Variants in LMX1B observed in about 807,000 individuals in gnomAD.
The protein encoded by LMX1B is LIM homeobox transcription factor 1 beta, also known as LIM homeobox transcription factor 1-beta.
A neutral mutation model predicts 51.4 loss-of-function variants in LMX1B; 12 were observed. The ratio of observed to expected loss-of-function variants is 0.23; its 90% CI spans 0.15 to 0.38. The LOEUF is 0.38. Among genes scored for constraint, LMX1B ranks in the 10% least tolerant of loss-of-function variants. LMX1B has a pLI of 1.00. For missense variants in LMX1B, 445 were observed against 571.1 expected, an observed-to-expected ratio of 0.78 and a Z score of 2.25; for synonymous variants, 237 against 235.4, an observed-to-expected ratio of 1.01 and a Z score of -0.06.
rs561358906 is a variant in LMX1B at position 126,636,701 on chromosome 9, G to A, written c.326+21132G>A. 4.6e-5 allele frequency among the ~76,000 whole-genome samples: 7 copies of A among 152,314 alleles called. No individual in the cohort carries two copies. In the South Asian group the frequency reaches 1.2e-3, roughly 27 times the overall value. On this transcript the variant is annotated intron_variant, in intron 2 of 7. Coordinates refer to ENST00000373474, the MANE Select transcript of LMX1B (RefSeq NM_001174147.2). Reference sequence around the variant, plus strand: ...TGCAAGTACACGTGTGCGTAGGTGTGTGTAGGGGGTGTCAGGGACTTGAGC... The same window carrying A: ...TGCAAGTACACGTGTGCGTAGGTGTATGTAGGGGGTGTCAGGGACTTGAGC...
Position 126,693,601 on chromosome 9 carries a change from G to T in LMX1B, c.819G>T (p.Lys273Asn). The T allele has an allele frequency of 6.2e-7, 1 of 1,614,152 alleles. No homozygotes were observed. The highest frequency in any genetic ancestry group is 1.1e-5 in the South Asian group (1 of 91,084). ...VQVWFQNQRA[K>N]MKKLARRHQQ... Reference sequence around the variant, plus strand: ...TCTGGTTTCAGAACCAAAGAGCAAAGGTAAGAGGCCACCCCCCATCCCCAC... The same window carrying T: ...TCTGGTTTCAGAACCAAAGAGCAAATGTAAGAGGCCACCCCCCATCCCCAC... Residue 273 changes from lysine (K) to asparagine (N), a missense_variant and splice_region_variant, in exon 5 of 8, where the codon AAG becomes AAT. Physicochemically the swap from Lys to Asn is moderately conservative, Grantham distance 94. Coordinates refer to ENST00000373474, the MANE Select transcript of LMX1B (RefSeq NM_001174147.2).
At chr9:126,630,003 G>A (rs1358689576) in intron 2 of LMX1B, among the ~76,000 whole-genome samples, 2 of 151,964 alleles carry the variant, frequency 1.3e-5, no homozygotes, top group African/African-American at 2.4e-5. Context: ...AAAATTAGCT[G>A]GGCGTCATGG....
At chr9:126,656,304 C>T (rs1286889222) in intron 2 of LMX1B, among the ~76,000 whole-genome samples, 1 of 152,094 alleles carries the variant, frequency 6.6e-6, no homozygotes, top group African/African-American at 2.4e-5. Context: ...AATCCCAGCA[C>T]TTCGAGAGGC....
In LMX1B at chr9:126,682,324, T is replaced by G. The variant is rs113721798; in HGVS notation, c.327-8512T>G. ...CCAGGTGTCGGCTGGAATGTGTGTC[T>G]CATTCATGCCTCTGACTGTCCCTTC... On this transcript the variant is annotated intron_variant, in intron 2 of 7. Transcript: ENST00000373474. Among the ~76,000 whole-genome samples, 1,012 of 152,164 alleles carry G rather than the reference T, an allele frequency of 6.7e-3. 5 individuals are homozygous for G. The highest frequency in any genetic ancestry group is 0.048 in the Middle Eastern group (14 of 294).
intron 2 of LMX1B, among the ~76,000 whole-genome samples, chr9:126,639,426 T>C (rs1157045263): frequency 6.6e-6 from 1 of 152,172 alleles, no homozygotes; most frequent in Non-Finnish European, 1.5e-5. Context: ...CCCACCCCTC[T>C]ACCCGCCTGG....
At chr9:126,632,034 G>C (rs1024362445) in intron 2 of LMX1B, among the ~76,000 whole-genome samples, 2 of 152,198 alleles carry the variant, frequency 1.3e-5, no homozygotes, top group Non-Finnish European at 2.9e-5. Context: ...GTCTAGAGCT[G>C]GGCTGGACTC....
intron 1 of LMX1B, among the ~76,000 whole-genome samples, chr9:126,614,919 C>A (rs1835272791): frequency 6.6e-6 from 1 of 152,084 alleles, no homozygotes; most frequent in Non-Finnish European, 1.5e-5. Context: ...GGCGCAAGGT[C>A]ACCTGGGGTG....
At chr9:126,664,359 C>T (rs1413822773) in intron 2 of LMX1B, among the ~76,000 whole-genome samples, 3 of 152,166 alleles carry the variant, frequency 2.0e-5, no homozygotes, top group African/African-American at 4.8e-5. Flanking sequence ...AAGTTACCCC[C>T]GCAGCGCAGC....
At chr9:126,656,432 T>C (rs963291902) in intron 2 of LMX1B, among the ~76,000 whole-genome samples, 1 of 151,150 alleles carries the variant, frequency 6.6e-6, no homozygotes, top group Non-Finnish European at 1.5e-5. Flanking sequence ...GATAGATAGA[T>C]AGATAGGATA....
At chr9:126,650,466 C>G (rs554963543) in intron 2 of LMX1B, among the ~76,000 whole-genome samples, 76 of 152,250 alleles carry the variant, frequency 5.0e-4, no homozygotes, top group Non-Finnish European at 9.1e-4. Flanking sequence ...TCCCTGGGGA[C>G]GATAAAGGGG....
chr9:126,624,933 A>G (rs372093413), intron 2 of LMX1B, among the ~76,000 whole-genome samples: 2 of 152,136 alleles, frequency 1.3e-5, no homozygotes, highest in African/African-American at 2.4e-5. Flanking sequence ...GTAACTTTTC[A>G]TTATGAAAAG....
At chr9:126,689,990 A>T (rs1463812798) in intron 2 of LMX1B, among the ~76,000 whole-genome samples, 1 of 152,084 alleles carries the variant, frequency 6.6e-6, no homozygotes, top group Non-Finnish European at 1.5e-5. Flanking sequence ...CGTGATGGAG[A>T]TGCGTAAGCT....
At chr9:126,621,644 C>G (rs1205118575) in intron 2 of LMX1B, among the ~76,000 whole-genome samples, 2 of 92,684 alleles carry the variant, frequency 2.2e-5, no homozygotes, top group African/African-American at 6.3e-5. Context: ...GTTTTTCTCT[C>G]TCTCTCTCTT....
chr9:126,683,240 C>A (rs947048497), intron 2 of LMX1B, among the ~76,000 whole-genome samples: 45 of 151,268 alleles, frequency 3.0e-4, no homozygotes, highest in African/African-American at 1.1e-3. Flanking sequence ...CCCGTCTCGC[C>A]GCGCATTCCA....
intron 2 of LMX1B, among the ~76,000 whole-genome samples, chr9:126,631,692 C>T (rs759910825): frequency 9.2e-5 from 14 of 152,162 alleles, no homozygotes; most frequent in African/African-American, 3.1e-4. Context: ...CTTGAGAGGC[C>T]GAGAACTTAA....
intron 2 of LMX1B, among the ~76,000 whole-genome samples, chr9:126,674,025 A>T (rs760762492): frequency 6.6e-6 from 1 of 152,056 alleles, no homozygotes; most frequent in African/African-American, 2.4e-5. Context: ...CTGCACTGCT[A>T]TGTGCTTCCT....
chr9:126,676,560 G>A (rs1398307376), intron 2 of LMX1B, among the ~76,000 whole-genome samples: 1 of 152,236 alleles, frequency 6.6e-6, no homozygotes, highest in Non-Finnish European at 1.5e-5. Flanking sequence ...GACTCACAGC[G>A]GGACAGTATT....
Position 126,614,436 on chromosome 9 carries a change from G to C in LMX1B, c.-14G>C. Reference sequence around the variant, plus strand: ...CAGCCCGGCCGGCGGGGTCCGCAGCGCGCCCCGCGTCCCATGGATATAGCA... The same window carrying C: ...CAGCCCGGCCGGCGGGGTCCGCAGCCCGCCCCGCGTCCCATGGATATAGCA... On this transcript the variant is annotated 5_prime_UTR_variant, in exon 1 of 8. Coordinates refer to ENST00000373474, the MANE Select transcript of LMX1B (RefSeq NM_001174147.2). The C allele has an allele frequency of 6.8e-7, 1 of 1,480,130 alleles. No homozygotes were observed. The highest frequency in any genetic ancestry group is 1.3e-5 in the South Asian group (1 of 75,878). 91.7% of individuals were successfully genotyped at this position (1,480,130 alleles called of 1,614,324 possible).
intron 2 of LMX1B, among the ~76,000 whole-genome samples, chr9:126,688,299 G>A (rs78874088): frequency 2.0e-5 from 3 of 152,318 alleles, no homozygotes; most frequent in Non-Finnish European, 4.4e-5. Context: ...GGCTTTGACT[G>A]CAAATGCAGG....
Sources: allele counts gnomAD v4.1 joint callset (sites outside exome capture counted in the v4.1 genomes callset), GRCh38; gene constraint gnomAD v4.1.1; transcripts MANE v1.5; gene names NCBI Gene and HGNC (gene_info 2026-07-23, HGNC 2026-07-21).